Variants in DAB1 observed in about 807,000 individuals in gnomAD.
DAB1 encodes disabled homolog 1.
Under a neutral mutation model 64.6 loss-of-function variants are expected in DAB1, and 15 were observed. That is an observed-to-expected ratio of 0.23 (90% CI 0.16 to 0.36). The LOEUF is 0.36. DAB1 is among the 10% of genes least tolerant of loss of function. The pLI is 1.00. For synonymous variants in DAB1, 235 were observed against 251.9 expected (o/e 0.93, Z 0.64); for missense variants, 596 against 706.7 (o/e 0.84, Z 1.78).
intron 4 of DAB1, among the ~76,000 whole-genome samples, chr1:58,192,232 G>C (rs1258888941): frequency 6.6e-6 from 1 of 152,190 alleles, no homozygotes; most frequent in African/African-American, 2.4e-5. Flanking sequence ...GTTGCCAGGG[G>C]CTGGCAGGGC....
chr1:57,714,250 A>G (rs913862080), intron 6 of DAB1, among the ~76,000 whole-genome samples: 2 of 152,174 alleles, frequency 1.3e-5, no homozygotes, highest in African/African-American at 4.8e-5. Context: ...TTATGACGGG[A>G]AAACCAAGGA....
At chr1:57,459,041 GATA>G (rs973355654) in intron 7 of DAB1, among the ~76,000 whole-genome samples, 36 of 151,972 alleles carry the variant, frequency 2.4e-4, no homozygotes, top group African/African-American at 8.0e-4. Flanking sequence ...TGATCAAAGT[GATA>G]ATAATCAGTT....
intron 3 of DAB1, among the ~76,000 whole-genome samples, chr1:58,381,658 T>A (rs1644390412): frequency 6.6e-6 from 1 of 152,114 alleles, no homozygotes; most frequent in South Asian, 2.1e-4. Flanking sequence ...GCTTCCAAGG[T>A]TTTTAAATAA....
intron 9 of DAB1, among the ~76,000 whole-genome samples, chr1:57,037,118 T>C (rs1372898634): frequency 6.6e-6 from 1 of 152,212 alleles, no homozygotes; most frequent in Non-Finnish European, 1.5e-5. Flanking sequence ...GGTGGGGCCC[T>C]GGCATCAGTA....
At chr1:58,038,638 G>T (rs181725113) in intron 5 of DAB1, among the ~76,000 whole-genome samples, 1 of 152,188 alleles carries the variant, frequency 6.6e-6, no homozygotes, top group East Asian at 1.9e-4. Flanking sequence ...CCCTGATGGG[G>T]TGTTATTGGG....
chr1:57,588,711 G>T (rs1053878355), intron 7 of DAB1, among the ~76,000 whole-genome samples: 1 of 152,176 alleles, frequency 6.6e-6, no homozygotes, highest in East Asian at 1.9e-4. Flanking sequence ...AATAGCTCAT[G>T]TGTAATTTAA....
At chr1:58,154,224 C>T (rs1655095717) in intron 4 of DAB1, among the ~76,000 whole-genome samples, 1 of 152,022 alleles carries the variant, frequency 6.6e-6, no homozygotes, top group South Asian at 2.1e-4. Context: ...CTCCTTTGTA[C>T]CCAAAAACCC....
At chr1:57,835,943 T>C (rs1652790581) in intron 1 of DAB1, among the ~76,000 whole-genome samples, 1 of 152,090 alleles carries the variant, frequency 6.6e-6, no homozygotes, top group Non-Finnish European at 1.5e-5. Context: ...CTCTACCCAT[T>C]TGGGTCAAAG....
intron 4 of DAB1, among the ~76,000 whole-genome samples, chr1:58,222,738 C>G (rs1179522536): frequency 1.3e-5 from 2 of 152,190 alleles, no homozygotes; most frequent in Admixed American, 6.5e-5. Context: ...TTCTTTCATA[C>G]AAGTAAAAAT....
chr1:57,774,425 A>G (rs970456141), intron 6 of DAB1, among the ~76,000 whole-genome samples: 1 of 151,762 alleles, frequency 6.6e-6, no homozygotes, highest in Non-Finnish European at 1.5e-5. Flanking sequence ...TGCCCTTTAC[A>G]TTCCAAATTT....
At chr1:57,832,667 A>T (rs1652639902) in intron 1 of DAB1, among the ~76,000 whole-genome samples, 1 of 152,232 alleles carries the variant, frequency 6.6e-6, no homozygotes, top group East Asian at 1.9e-4. Context: ...TGAAATGCAG[A>T]TGTGCAGTCA....
chr1:57,615,470 A>G (rs1645780910), intron 7 of DAB1, among the ~76,000 whole-genome samples: 2 of 152,230 alleles, frequency 1.3e-5, no homozygotes, highest in African/African-American at 4.8e-5. Context: ...TTCACAGAGT[A>G]GCACTGCCAA....
chr1:57,031,248 A>G (rs1646957898), intron 9 of DAB1, among the ~76,000 whole-genome samples: 1 of 152,228 alleles, frequency 6.6e-6, no homozygotes, highest in Non-Finnish European at 1.5e-5. Flanking sequence ...CATAAAATTA[A>G]AAATAATCCT....
intron 2 of DAB1, among the ~76,000 whole-genome samples, chr1:57,158,924 T>A (rs1660488177): frequency 6.6e-6 from 1 of 152,194 alleles, no homozygotes; most frequent in South Asian, 2.1e-4. Context: ...ATAAAAGGCA[T>A]CTGGAATCAA....
chr1:57,566,233 C>A (rs1319594554), intron 7 of DAB1, among the ~76,000 whole-genome samples: 1 of 152,114 alleles, frequency 6.6e-6, no homozygotes, highest in Non-Finnish European at 1.5e-5. Flanking sequence ...CCAATGAGAA[C>A]AAAGACACAA....
intron 9 of DAB1, among the ~76,000 whole-genome samples, chr1:57,054,617 G>A (rs1334852089): frequency 6.6e-6 from 1 of 151,430 alleles, no homozygotes; most frequent in Admixed American, 6.6e-5. Flanking sequence ...AGCTGGGACT[G>A]CAGGTACCCG....
At chr1:57,004,196 T>C (rs1168869741) in intron 14 of DAB1, among the ~76,000 whole-genome samples, 2 of 152,210 alleles carry the variant, frequency 1.3e-5, no homozygotes, top group Non-Finnish European at 2.9e-5. Context: ...CTCCCATTTC[T>C]GTGCTGGTTT....
At position 57,366,050 on chromosome 1, in the gene DAB1, C is replaced by T. The variant is rs367893337; in HGVS notation, c.-137+57880G>A. 7.7e-4 allele frequency among the ~76,000 whole-genome samples: 118 copies of T among 152,280 alleles called. 1 individual carries two copies. Among genetic ancestry groups the T allele is most frequent in the African/African-American group, 7.5e-4 (31 of 41,548 alleles). ...AGCTAGGACTATGCAAATTGGTGGT[C>T]GGAATACAATTTTCCTGTCCAAATG... On this transcript the variant is annotated intron_variant, in intron 1 of 14. Coordinates refer to ENST00000371236, the MANE Select transcript of DAB1 (RefSeq NM_001365792.1).
chr1:58,045,497 C>T (rs1225685847), intron 5 of DAB1, among the ~76,000 whole-genome samples: 2 of 152,128 alleles, frequency 1.3e-5, no homozygotes, highest in Non-Finnish European at 2.9e-5. Context: ...GCAGATTGTT[C>T]CCGGCGATAA....
Sources: gnomAD v4.1 joint callset for allele counts (sites outside exome capture counted in the v4.1 genomes callset) on GRCh38, gnomAD v4.1.1 for gene constraint, MANE v1.5 for transcripts, NCBI Gene and HGNC (gene_info 2026-07-23, HGNC 2026-07-21) for gene names.